The following KDM4C variants were observed in gnomAD, a reference collection of about 807,000 sequenced individuals.
KDM4C encodes lysine-specific demethylase 4C.
Under a neutral mutation model 129.3 loss-of-function variants are expected in KDM4C, and 81 were observed. The ratio of observed to expected loss-of-function variants is 0.63; its 90% CI spans 0.52 to 0.75. KDM4C has a LOEUF of 0.75. Among genes scored for constraint, KDM4C ranks in the 30% least tolerant of loss-of-function variants. The pLI is 0.00. For synonymous variants in KDM4C, 573 were observed against 456.1 expected, an observed-to-expected ratio of 1.26 and a Z score of -3.26; for missense variants, 1,457 against 1,304.0, an observed-to-expected ratio of 1.12 and a Z score of -1.81.
At chr9:7,116,706 G>T (rs1267638934) in intron 18 of KDM4C, among the ~76,000 whole-genome samples, 4 of 152,188 alleles carry the variant, frequency 2.6e-5, no homozygotes, top group Non-Finnish European at 5.9e-5. Context: ...TCCTGCCGTG[G>T]ATGTGATGGA....
intron 1 of KDM4C, among the ~76,000 whole-genome samples, chr9:6,764,199 A>G (rs1167808051): frequency 1.3e-5 from 2 of 152,234 alleles, no homozygotes; most frequent in Non-Finnish European, 1.5e-5. Context: ...GAGTACTTAC[A>G]ATAGGCTGCC....
chr9:7,088,585 C>T lies in KDM4C; in HGVS notation c.2425-15100C>T, dbSNP rs139295776. On this transcript the variant is annotated intron_variant, in intron 17 of 21. Transcript: ENST00000381309. Reference sequence around the variant, plus strand: ...TATTCCTTCAACATATGAGGGGTGGCTATTATTAGATAATATGCAATCGTC... The same window carrying T: ...TATTCCTTCAACATATGAGGGGTGGTTATTATTAGATAATATGCAATCGTC... 1.6e-3 allele frequency among the ~76,000 whole-genome samples: 239 copies of T among 152,200 alleles called. 1 individual carries two copies. The highest frequency in any genetic ancestry group is 5.4e-3 in the African/African-American group (226 of 41,522).
chr9:7,044,350 C>G (rs1268599087), intron 15 of KDM4C, among the ~76,000 whole-genome samples: 1 of 151,938 alleles, frequency 6.6e-6, no homozygotes, highest in Non-Finnish European at 1.5e-5. Context: ...AGACCAAGAC[C>G]TGATGATTCT....
intron 8 of KDM4C, 193 bp downstream of exon 8, chr9:6,893,425 C>A: frequency 2.4e-6 from 1 of 425,180 alleles, no homozygotes; most frequent in South Asian, 5.3e-5. Context: ...CTGAATTTGT[C>A]TGTTTTGAGA....
At chr9:7,026,732 C>T (rs1012332757) in intron 15 of KDM4C, among the ~76,000 whole-genome samples, 2 of 152,010 alleles carry the variant, frequency 1.3e-5, no homozygotes, top group African/African-American at 4.8e-5. Context: ...CAGATTTGCC[C>T]TTTTGAGGCT....
At chr9:7,100,849 C>T (rs1027893125) in intron 17 of KDM4C, among the ~76,000 whole-genome samples, 2 of 151,678 alleles carry the variant, frequency 1.3e-5, no homozygotes, top group Admixed American at 6.6e-5. Context: ...ATTATTCTTA[C>T]TCCTTTGGTA....
chr9:7,091,624 A>G (rs571216740), intron 17 of KDM4C, among the ~76,000 whole-genome samples: 4 of 152,384 alleles, frequency 2.6e-5, no homozygotes, highest in African/African-American at 4.8e-5. Context: ...AAATACTTCA[A>G]AGTCCTGGCT....
intron 17 of KDM4C, among the ~76,000 whole-genome samples, chr9:7,086,287 C>T (rs1478332817): frequency 6.6e-6 from 1 of 152,176 alleles, no homozygotes; most frequent in East Asian, 1.9e-4. Flanking sequence ...TTATGAATTT[C>T]TGAGTTAGGC....
chr9:7,004,755 G>C (rs1024657783), intron 12 of KDM4C, among the ~76,000 whole-genome samples: 1 of 152,138 alleles, frequency 6.6e-6, no homozygotes, highest in Admixed American at 6.5e-5. Context: ...TTATATATAG[G>C]AGATAACTTG....
chr9:7,153,893 C>G (rs544847565), intron 19 of KDM4C, among the ~76,000 whole-genome samples: 3 of 152,220 alleles, frequency 2.0e-5, no homozygotes, highest in Non-Finnish European at 4.4e-5. Context: ...GACACACTGC[C>G]TCCCCTTATG....
At chr9:7,087,208 A>G (rs890519130) in intron 17 of KDM4C, among the ~76,000 whole-genome samples, 4 of 151,918 alleles carry the variant, frequency 2.6e-5, no homozygotes, top group African/African-American at 9.7e-5. Context: ...GAGTTCGCAT[A>G]TAACTCAGAA....
At chr9:6,956,010 G>C (rs183010647) in intron 8 of KDM4C, among the ~76,000 whole-genome samples, 12 of 152,162 alleles carry the variant, frequency 7.9e-5, no homozygotes, top group Non-Finnish European at 7.3e-5. Flanking sequence ...AGAAACTGCA[G>C]TGTGCACATG....
chr9:6,754,366 C>T (rs898260918), upstream of KDM4C, among the ~76,000 whole-genome samples: 6 of 151,768 alleles, frequency 4.0e-5, no homozygotes, highest in South Asian at 2.1e-4. Context: ...GCACCTGCCA[C>T]CATGCCCAGC....
intron 4 of KDM4C, among the ~76,000 whole-genome samples, chr9:6,828,774 G>C (rs1055144079): frequency 6.6e-6 from 1 of 152,138 alleles, no homozygotes; most frequent in Non-Finnish European, 1.5e-5. Flanking sequence ...AGGAGGCTGA[G>C]GCAGGAGAAT....
At chr9:6,785,008 C>T (rs771397929) in intron 1 of KDM4C, among the ~76,000 whole-genome samples, 2 of 152,192 alleles carry the variant, frequency 1.3e-5, no homozygotes, top group African/African-American at 2.4e-5. Context: ...GATTGGAGAA[C>T]GTGGTCCTCT....
At chr9:7,162,630 T>G (rs1369396195) in intron 19 of KDM4C, among the ~76,000 whole-genome samples, 1 of 152,150 alleles carries the variant, frequency 6.6e-6, no homozygotes, top group Non-Finnish European at 1.5e-5. Context: ...CAGCTCTCCT[T>G]GGTGATATGG....
chr9:6,819,551 CA>C (rs1812842316), intron 4 of KDM4C, among the ~76,000 whole-genome samples: 1 of 152,192 alleles, frequency 6.6e-6, no homozygotes, highest in Non-Finnish European at 1.5e-5. Context: ...GTTGGACTGA[CA>C]TTTTCATGCT....
At chr9:7,049,771 G>A (rs908760435) in intron 17 of KDM4C, among the ~76,000 whole-genome samples, 1 of 151,994 alleles carries the variant, frequency 6.6e-6, no homozygotes, top group Non-Finnish European at 1.5e-5. Flanking sequence ...ATTTTTCATT[G>A]AAAATATAGG....
intron 19 of KDM4C, among the ~76,000 whole-genome samples, chr9:7,148,102 T>A (rs1322184904): frequency 6.6e-6 from 1 of 152,204 alleles, no homozygotes. Flanking sequence ...GCCGGCTCCA[T>A]GTGAGGCTGT....
Sources: allele counts gnomAD v4.1 joint callset (sites outside exome capture counted in the v4.1 genomes callset), GRCh38; gene constraint gnomAD v4.1.1; transcripts MANE v1.5; gene names NCBI Gene and HGNC (gene_info 2026-07-23, HGNC 2026-07-21).